The following KIFC3 variants were observed in gnomAD, a reference collection of about 807,000 sequenced individuals.
KIFC3 encodes kinesin-like protein KIFC3.
KIFC3 carries 60 observed loss-of-function variants against 101.8 expected under a neutral mutation model. The observed-to-expected ratio is 0.59, with a 90% CI of 0.48 to 0.73. The LOEUF (loss-of-function observed/expected upper bound fraction) is 0.73. KIFC3 is among the 30% of genes least tolerant of loss of function. The pLI, the probability that KIFC3 is intolerant of heterozygous loss-of-function variation, is 0.00. For synonymous variants in KIFC3, 476 were observed against 482.7 expected (o/e 0.99, Z 0.18); for missense variants, 966 against 1,137.1 (o/e 0.85, Z 2.16).
chr16:57,848,429 C>T (rs1188158957), intron 1 of KIFC3, among the ~76,000 whole-genome samples: 1 of 152,130 alleles, frequency 6.6e-6, no homozygotes, highest in Non-Finnish European at 1.5e-5. Context: ...GAGTTCCAGA[C>T]CAGCCTGCAC....
At chr16:57,783,116 C>T (rs879964442) in intron 3 of KIFC3, among the ~76,000 whole-genome samples, 3 of 152,178 alleles carry the variant, frequency 2.0e-5, no homozygotes, top group African/African-American at 7.2e-5. Flanking sequence ...TTCCTCCTCA[C>T]TTTCCCTTCT....
At chr16:57,860,453 C>CA (rs142411722) in intron 1 of KIFC3, among the ~76,000 whole-genome samples, 10,097 of 152,088 alleles carry the variant, frequency 0.066, 401 homozygotes, top group Middle Eastern at 0.13. Context: ...AACTCTGTCT[C>CA]AAAAAAATTT....
chr16:57,803,307 G>A (rs2054849323), upstream of KIFC3: 1 of 688,908 alleles, frequency 1.5e-6, no homozygotes, highest in Admixed American at 2.0e-5. Flanking sequence ...ACCTGGAGGA[G>A]CCACTCTGTT....
At chr16:57,821,904 C>A (rs1379121766) in intron 1 of KIFC3, among the ~76,000 whole-genome samples, 2 of 151,960 alleles carry the variant, frequency 1.3e-5, no homozygotes, top group South Asian at 2.1e-4. Context: ...CAGAGTGAGA[C>A]CCGTCTCTAC....
chr16:57,818,653 G>A (rs1301150211), intron 1 of KIFC3, among the ~76,000 whole-genome samples: 3 of 152,112 alleles, frequency 2.0e-5, no homozygotes, highest in Non-Finnish European at 4.4e-5. Flanking sequence ...TGAACCACCA[G>A]CCTGGCTGAG....
chr16:57,771,361 A>G lies in KIFC3; in HGVS notation c.602T>C (p.Leu201Pro). Residue 201 changes from leucine to proline, a missense_variant, in exon 6 of 20, where the codon CTG (leucine) becomes CCG (proline). Leu to Pro is a moderately conservative substitution (Grantham distance 98, BLOSUM62 -3). Transcript: ENST00000445690. The part of the protein sequence containing the change: ...MAESKGMLSE[L>P]NLEVQQKTDR... Reference sequence around the variant, plus strand: ...GGTCTTCTGCTGCACCTCTAGGTTCAGCTCTGACAGCATGCCTTTGCTTTC... The same window carrying G: ...GGTCTTCTGCTGCACCTCTAGGTTCGGCTCTGACAGCATGCCTTTGCTTTC... 1.9e-6 allele frequency: 3 copies of G among 1,613,762 alleles called. No individual in the cohort carries two copies. The highest frequency in any genetic ancestry group is 1.7e-6 in the Non-Finnish European group (2 of 1,180,044).
chr16:57,795,957 G>A (rs1015212703), intron 2 of KIFC3, among the ~76,000 whole-genome samples: 15 of 143,976 alleles, frequency 1.0e-4, no homozygotes, highest in Admixed American at 3.6e-4. Context: ...GCAGTGGTGC[G>A]ATCTTGGCTC....
At position 57,758,648 on chromosome 16, in the gene KIFC3, C is replaced by T. The variant is rs1203707089; in HGVS notation, c.*286G>A. 3.0e-5 allele frequency: 21 copies of T among 701,864 alleles called. No homozygotes were observed. Among genetic ancestry groups the T allele is most frequent in the Non-Finnish European group, 5.4e-5 (21 of 385,670 alleles). 43.5% of individuals were successfully genotyped at this position (701,864 alleles called of 1,614,324 possible). A position where few individuals can be genotyped will look rare whatever the true frequency, so the allele number is the denominator to read the frequency against. On this transcript the variant is annotated 3_prime_UTR_variant, in exon 20 of 20. Transcript: ENST00000445690. ...CCCGCCCTCCTCACGGGGCCCAGTT[C>T]GCTGATGGCCCAGGCCTGCCAGGAA...
At chr16:57,805,673 C>CT (rs5817120), upstream of KIFC3, among the ~76,000 whole-genome samples, 5,603 of 97,980 alleles carry the variant, frequency 0.057, 656 homozygotes, top group African/African-American at 0.18. Context: ...TGCCCATAGA[C>CT]TTTTTTTTTT....
At chr16:57,783,755 G>A (rs1017259116) in intron 3 of KIFC3, among the ~76,000 whole-genome samples, 1 of 152,118 alleles carries the variant, frequency 6.6e-6, no homozygotes, top group Non-Finnish European at 1.5e-5. Flanking sequence ...TTACAGGTGT[G>A]AGCTACCACG....
At chr16:57,761,602 G>A (rs868951422) in intron 13 of KIFC3, 66 bp from the exon 14 acceptor site, 8 of 1,563,638 alleles carry the variant, frequency 5.1e-6, no homozygotes, top group Non-Finnish European at 6.9e-6. Context: ...ACTGCACCCA[G>A]CCCCCCAGCC....
Position 57,812,303 on chromosome 16 carries a change from A to G in KIFC3, c.109-14021T>C, listed in dbSNP as rs538575659. Among the ~76,000 whole-genome samples, 1,440 of 151,318 alleles carry G rather than the reference A, an allele frequency of 9.5e-3. 10 individuals are homozygous for G. Among genetic ancestry groups the G allele is most frequent in the Non-Finnish European group, 0.012 (835 of 67,756 alleles). Reference sequence around the variant, plus strand: ...ATGATCTGCCCGCCTCAGCCTCCCAAAGTGCTGGGATTACAGGCATGAGCC... The same window carrying G: ...ATGATCTGCCCGCCTCAGCCTCCCAGAGTGCTGGGATTACAGGCATGAGCC... On this transcript the variant is annotated intron_variant, in intron 1 of 2. Coordinates refer to the KIFC3 transcript ENST00000563028.
intron 1 of KIFC3, among the ~76,000 whole-genome samples, chr16:57,808,665 T>C (rs1460658925): frequency 6.6e-6 from 1 of 152,204 alleles, no homozygotes; most frequent in African/African-American, 2.4e-5. Flanking sequence ...CAGATTTTTC[T>C]TTCCAGTATC....
intron 1 of KIFC3, among the ~76,000 whole-genome samples, chr16:57,815,876 C>T (rs1376129075): frequency 6.6e-6 from 1 of 152,224 alleles, no homozygotes; most frequent in African/African-American, 2.4e-5. Flanking sequence ...GTGCTTGGTG[C>T]CTGGGTTAAG....
At chr16:57,788,826 T>C in intron 3 of KIFC3, 1 of 996,032 alleles carries the variant, frequency 1.0e-6, no homozygotes, top group Admixed American at 3.2e-5. Context: ...GCCCAGCGGG[T>C]CCAGTCCCTC....
chr16:57,808,460 A>T (rs2054994077), intron 1 of KIFC3, among the ~76,000 whole-genome samples: 1 of 152,134 alleles, frequency 6.6e-6, no homozygotes, highest in African/African-American at 2.4e-5. Context: ...CACATGCGTT[A>T]TTAACATCCT....
At chr16:57,847,246 GGAAGGAAGGAAGGAAGGAAGGA>G (rs1567339301) in intron 1 of KIFC3, among the ~76,000 whole-genome samples, 8 of 105,884 alleles carry the variant, frequency 7.6e-5, no homozygotes, top group Non-Finnish European at 1.3e-4. Context: ...AAGGAAGGAA[GGAAGGAAGGAAGGAAGGAAGGA>G]AGGGAAGGGA....
intron 1 of KIFC3, among the ~76,000 whole-genome samples, chr16:57,861,994 T>G (rs1820984941): frequency 6.6e-6 from 1 of 152,060 alleles, no homozygotes; most frequent in Non-Finnish European, 1.5e-5. Flanking sequence ...AGGTAAAATA[T>G]TTTCAAGCTG....
chr16:57,826,662 G>C (rs1206956291), intron 1 of KIFC3, among the ~76,000 whole-genome samples: 1 of 152,204 alleles, frequency 6.6e-6, no homozygotes, highest in Non-Finnish European at 1.5e-5. Flanking sequence ...TCTTGGTAGA[G>C]AGGAAGAGAA....
Sources: gnomAD v4.1 joint callset for allele counts (sites outside exome capture counted in the v4.1 genomes callset) on GRCh38, gnomAD v4.1.1 for gene constraint, MANE v1.5 for transcripts, NCBI Gene and HGNC (gene_info 2026-07-23, HGNC 2026-07-21) for gene names.